The following TSHZ2 variants were observed in gnomAD, a reference collection of about 807,000 sequenced individuals.
TSHZ2 encodes the protein teashirt zinc finger homeobox 2, also known as teashirt homolog 2.
In TSHZ2, 21 loss-of-function variants were observed where a neutral mutation model predicts 74.4. The ratio of observed to expected loss-of-function variants is 0.28; its 90% CI spans 0.20 to 0.41. TSHZ2 has a LOEUF of 0.41. Among genes scored for constraint, TSHZ2 ranks in the 10% least tolerant of loss-of-function variants. The pLI is 1.00. For missense variants in TSHZ2, 1,244 were observed against 1,293.5 expected, an observed-to-expected ratio of 0.96 and a Z score of 0.59; for synonymous variants, 540 against 515.3, an observed-to-expected ratio of 1.05 and a Z score of -0.65.
intron 1 of TSHZ2, among the ~76,000 whole-genome samples, chr20:52,981,327 G>A (rs1335432052): frequency 1.3e-5 from 2 of 152,134 alleles, no homozygotes; most frequent in Non-Finnish European, 2.9e-5. Context: ...AAGTCTCTAG[G>A]TCTAATTCTT....
chr20:53,292,196 A>G (rs1255353548), intron 2 of TSHZ2, among the ~76,000 whole-genome samples: 2 of 152,132 alleles, frequency 1.3e-5, no homozygotes, highest in Non-Finnish European at 2.9e-5. Context: ...TTCTGTCCAC[A>G]TGTTTTCTAT....
intron 1 of TSHZ2, among the ~76,000 whole-genome samples, chr20:53,073,525 G>T (rs1349958944): frequency 1.3e-5 from 2 of 152,204 alleles, no homozygotes; most frequent in Non-Finnish European, 2.9e-5. Context: ...CTGAAGGTTA[G>T]AGTAATTTCT....
chr20:53,169,317 G>T (rs1053952932), intron 1 of TSHZ2, among the ~76,000 whole-genome samples: 6 of 152,146 alleles, frequency 3.9e-5, no homozygotes, highest in Admixed American at 1.3e-4. Context: ...AGCCATAATT[G>T]TACCAGCTTC....
At chr20:53,443,345 G>A (rs1014385491) in intron 2 of TSHZ2, among the ~76,000 whole-genome samples, 3 of 152,166 alleles carry the variant, frequency 2.0e-5, no homozygotes, top group Admixed American at 1.3e-4. Context: ...GGGAAGTACC[G>A]TTTTAATGTA....
intron 1 of TSHZ2, among the ~76,000 whole-genome samples, chr20:53,194,934 G>A (rs1988825255): frequency 6.6e-6 from 1 of 152,200 alleles, no homozygotes; most frequent in Non-Finnish European, 1.5e-5. Flanking sequence ...CCCATTAGCA[G>A]CTGCTATTTC....
chr20:53,446,404 A>G (rs1984544501), intron 2 of TSHZ2, among the ~76,000 whole-genome samples: 1 of 78,424 alleles, frequency 1.3e-5, no homozygotes, highest in African/African-American at 7.6e-5. Flanking sequence ...TCTACTAAAA[A>G]TACAAAAAAA....
At chr20:53,122,921 A>C (rs1986851815) in intron 1 of TSHZ2, among the ~76,000 whole-genome samples, 1 of 152,100 alleles carries the variant, frequency 6.6e-6, no homozygotes. Context: ...CAAATTCTCT[A>C]AGCTTCCCTA....
Position 53,190,122 on chromosome 20 carries a change from TA to T in TSHZ2, c.41-63376del, listed in dbSNP as rs1568803399. On this transcript the variant is annotated intron_variant, in intron 1 of 2. Coordinates refer to ENST00000371497, the MANE Select transcript of TSHZ2 (RefSeq NM_173485.6). ...ATATATATATATATATATATATATATATATATATATATATATTTTCTTAAAT... is the reference window on the plus strand; with the variant it reads ...ATATATATATATATATATATATATATTATATATATATATATTTTCTTAAAT... Among the ~76,000 whole-genome samples, 131 of 94,676 alleles carry T rather than the reference TA, an allele frequency of 1.4e-3. 7 individuals carry two copies. Among genetic ancestry groups the T allele is most frequent in the African/African-American group, 5.1e-3 (126 of 24,634 alleles). 62.1% of individuals were successfully genotyped at this position (94,676 alleles called of 152,430 possible).
At chr20:53,089,952 A>T (rs973461877) in intron 1 of TSHZ2, among the ~76,000 whole-genome samples, 1 of 152,250 alleles carries the variant, frequency 6.6e-6, no homozygotes, top group African/African-American at 2.4e-5. Flanking sequence ...AAGTCCCACA[A>T]TAGGCCATCT....
intron 1 of TSHZ2, among the ~76,000 whole-genome samples, chr20:53,106,841 G>A (rs781732489): frequency 2.1e-4 from 32 of 151,920 alleles, no homozygotes; most frequent in Non-Finnish European, 3.7e-4. Context: ...GGGACTACAG[G>A]CATGCACCAC....
chr20:53,433,544 A>G (rs1397707456), intron 2 of TSHZ2, among the ~76,000 whole-genome samples: 1 of 150,834 alleles, frequency 6.6e-6, no homozygotes, highest in Non-Finnish European at 1.5e-5. Flanking sequence ...CTGTCTATAA[A>G]AAGAAGCAGA....
intron 1 of TSHZ2, among the ~76,000 whole-genome samples, chr20:53,196,968 A>C (rs1988886429): frequency 6.6e-6 from 1 of 152,218 alleles, no homozygotes. Context: ...TTACACAGAA[A>C]ATTTCAAGCT....
chr20:53,181,628 C>T (rs1988471416), intron 1 of TSHZ2, among the ~76,000 whole-genome samples: 1 of 152,138 alleles, frequency 6.6e-6, no homozygotes, highest in Non-Finnish European at 1.5e-5. Flanking sequence ...GTGGCTCACA[C>T]CTCTGATCCC....
intron 2 of TSHZ2, among the ~76,000 whole-genome samples, chr20:53,308,082 A>G (rs1010330690): frequency 2.6e-5 from 4 of 152,228 alleles, no homozygotes; most frequent in African/African-American, 9.6e-5. Context: ...TGAAGGCAGA[A>G]ACTGCATCTT....
chr20:53,012,960 A>G (rs1472982404), intron 1 of TSHZ2, among the ~76,000 whole-genome samples: 1 of 152,186 alleles, frequency 6.6e-6, no homozygotes, highest in Non-Finnish European at 1.5e-5. Context: ...AAGACATTAA[A>G]CTAAAACAAG....
At chr20:53,352,764 G>A (rs955372389) in intron 2 of TSHZ2, among the ~76,000 whole-genome samples, 3 of 136,650 alleles carry the variant, frequency 2.2e-5, no homozygotes, top group Non-Finnish European at 4.6e-5. Context: ...ACAAAGTGAG[G>A]ATCTGTCTCA....
chr20:53,041,296 G>A (rs1984031825), intron 1 of TSHZ2, among the ~76,000 whole-genome samples: 1 of 152,140 alleles, frequency 6.6e-6, no homozygotes, highest in Admixed American at 6.5e-5. Flanking sequence ...CTTTCTTCTG[G>A]AAACTTCTAT....
At chr20:53,479,833 T>C (rs1211761934) in intron 2 of TSHZ2, among the ~76,000 whole-genome samples, 2 of 152,166 alleles carry the variant, frequency 1.3e-5, no homozygotes, top group East Asian at 3.9e-4. Flanking sequence ...GGGATGAGGC[T>C]GAATATCTAC....
chr20:53,087,356 G>C (rs1056847110), intron 1 of TSHZ2, among the ~76,000 whole-genome samples: 1 of 152,202 alleles, frequency 6.6e-6, no homozygotes, highest in African/African-American at 2.4e-5. Flanking sequence ...CAGTTGGTCA[G>C]CTCACACAAA....
Sources: allele counts gnomAD v4.1 joint callset (sites outside exome capture counted in the v4.1 genomes callset), GRCh38; gene constraint gnomAD v4.1.1; transcripts MANE v1.5; gene names NCBI Gene and HGNC (gene_info 2026-07-23, HGNC 2026-07-21).